YTHDF2: variants seen among roughly 807,000 people sequenced by gnomAD.
YTHDF2 encodes YTH domain-containing family protein 2.
YTHDF2 carries 2 observed loss-of-function variants against 50.4 expected under a neutral mutation model. The observed-to-expected ratio is 0.04, with a 90% CI of 0.02 to 0.12. YTHDF2 has a LOEUF of 0.12. Among genes scored for constraint, YTHDF2 ranks in the 10% least tolerant of loss-of-function variants. YTHDF2 has a pLI of 1.00. For missense variants in YTHDF2, 483 were observed against 722.6 expected (o/e 0.67, Z 3.80); for synonymous variants, 217 against 255.6 (o/e 0.85, Z 1.44).
At chr1:28,737,373 CT>C in intron 1 of YTHDF2, 1 of 634,070 alleles carries the variant, frequency 1.6e-6, no homozygotes, top group Non-Finnish European at 2.6e-6. Context: ...GCCGCGTTCC[CT>C]TCTCTCGGCG....
intron 4 of YTHDF2, among the ~76,000 whole-genome samples, chr1:28,752,849 C>T (rs946161716): frequency 1.3e-5 from 2 of 151,668 alleles, no homozygotes; most frequent in African/African-American, 4.8e-5. Context: ...TTGAGACCAG[C>T]CTGGGCAGCA....
Position 28,751,090 on chromosome 1 carries a change from CA to C in YTHDF2, c.1716+7124del, listed in dbSNP as rs56916547. ...CCTTTGTGACAGAGCGAGACTGTCT[CA>C]AAAAAAAAAAAAAAAAAAAGGCTGG... On this transcript the variant is annotated intron_variant, in intron 4 of 4. Coordinates refer to ENST00000373812, the MANE Select transcript of YTHDF2 (RefSeq NM_016258.3). 4.8e-3 allele frequency among the ~76,000 whole-genome samples: 161 copies of C among 33,754 alleles called. 2 individuals are homozygous for C. In the Middle Eastern group the frequency reaches 0.18, roughly 38 times the overall value. The allele number at this position is 33,754 out of a possible 152,430, so 22.1% of individuals were successfully genotyped here.
At chr1:28,765,696 C>T (rs987403154) in intron 4 of YTHDF2, among the ~76,000 whole-genome samples, 5 of 152,042 alleles carry the variant, frequency 3.3e-5, no homozygotes, top group Non-Finnish European at 7.4e-5. Context: ...CAAGCACGTC[C>T]CCTGCCTCAG....
intron 1 of YTHDF2, 84 bp downstream of exon 1, chr1:28,737,231 G>A: frequency 6.9e-7 from 1 of 1,453,138 alleles, no homozygotes; most frequent in Non-Finnish European, 9.1e-7. Flanking sequence ...TCCTGGGCAG[G>A]CCGAGCCGAG....
At chr1:28,764,432 G>A (rs376841618) in intron 4 of YTHDF2, among the ~76,000 whole-genome samples, 1 of 151,402 alleles carries the variant, frequency 6.6e-6, no homozygotes, top group East Asian at 1.9e-4. Flanking sequence ...CACCACGCCC[G>A]GCTAATTTTT....
intron 4 of YTHDF2, among the ~76,000 whole-genome samples, chr1:28,763,136 A>G (rs1260678789): frequency 6.6e-6 from 1 of 151,972 alleles, no homozygotes; most frequent in African/African-American, 2.4e-5. Flanking sequence ...CGAGTTTTCT[A>G]TTTTGTAATC....
At chr1:28,739,424 C>T (rs996506940) in intron 3 of YTHDF2, among the ~76,000 whole-genome samples, 1 of 151,866 alleles carries the variant, frequency 6.6e-6, no homozygotes, top group African/African-American at 2.4e-5. Flanking sequence ...TTTTGCCCGC[C>T]TCAGCCTCCC....
chr1:28,744,363 A>G (rs2087827582), intron 4 of YTHDF2, among the ~76,000 whole-genome samples: 1 of 152,164 alleles, frequency 6.6e-6, no homozygotes, highest in Non-Finnish European at 1.5e-5. Context: ...AAAAATCGAA[A>G]TGTTCTCTGT....
intron 1 of YTHDF2, chr1:28,737,396 C>T (rs938084514): frequency 9.4e-6 from 6 of 635,488 alleles, no homozygotes; most frequent in African/African-American, 7.8e-5. Flanking sequence ...GCCTCGTTTT[C>T]CTTCCTTGTT....
At chr1:28,737,341 C>T in intron 1 of YTHDF2, 194 bp downstream of exon 1, 1 of 724,428 alleles carries the variant, frequency 1.4e-6, no homozygotes, top group Non-Finnish European at 2.1e-6. Flanking sequence ...CCTCGGGCCT[C>T]GGAGCCCACG....
chr1:28,759,964 A>G (rs1054745361), intron 4 of YTHDF2, among the ~76,000 whole-genome samples: 1 of 152,234 alleles, frequency 6.6e-6, no homozygotes, highest in Non-Finnish European at 1.5e-5. Context: ...CTTTAAAAAA[A>G]GAAAAACAAA....
At position 28,742,943 on chromosome 1, in the gene YTHDF2, A is replaced by G. The variant is rs2087801653; in HGVS notation, c.673A>G (p.Ser225Gly). The G allele has an allele frequency of 3.1e-6, 5 of 1,614,134 alleles. 1 individual carries two copies. In the South Asian group the frequency reaches 4.4e-5, roughly 14 times the overall value. The change falls in exon 4 of 5, where the codon AGT becomes GGT. Residue 225 changes from serine (S) to glycine (G), a missense_variant. By Grantham distance (56) the Ser-to-Gly change is moderately conservative (BLOSUM62 0). Transcript: ENST00000373812. ...SITSNIVASNSLPPATIAPPK... is the reference protein window; with the variant it reads ...SITSNIVASNGLPPATIAPPK... ...TACTAGTAACATCGTGGCTTCCAAT[A>G]GTTTGCCTCCAGCCACCATTGCTCC...
chr1:28,753,040 C>A (rs563617139), intron 4 of YTHDF2, among the ~76,000 whole-genome samples: 1 of 151,494 alleles, frequency 6.6e-6, no homozygotes, highest in African/African-American at 2.4e-5. Context: ...AGGAGACTGT[C>A]CCTAGAAAAA....
chr1:28,763,691 G>T (rs1399858135), intron 4 of YTHDF2, among the ~76,000 whole-genome samples: 1 of 151,460 alleles, frequency 6.6e-6, no homozygotes, highest in South Asian at 2.1e-4. Flanking sequence ...TCCTGACCTG[G>T]TGATCCGCCC....
intron 4 of YTHDF2, among the ~76,000 whole-genome samples, chr1:28,759,586 A>G (rs141314450): frequency 7.9e-5 from 12 of 152,308 alleles, no homozygotes; most frequent in Middle Eastern, 3.4e-3. Flanking sequence ...ACCGTACTGA[A>G]TAGTATAGGC....
At chr1:28,738,401 A>G in intron 3 of YTHDF2, 63 bp downstream of exon 3, 1 of 1,317,740 alleles carries the variant, frequency 7.6e-7, no homozygotes, top group Non-Finnish European at 1.1e-6. Flanking sequence ...TCCGCCTTCT[A>G]CCAATAAATC....
chr1:28,744,023 G>A, intron 4 of YTHDF2, 37 bp downstream of exon 4: 1 of 1,509,796 alleles, frequency 6.6e-7, no homozygotes, highest in Non-Finnish European at 8.8e-7. Flanking sequence ...TTTAGGGAAG[G>A]AGGAACCAGA....
chr1:28,749,027 T>C (rs2124179972), intron 4 of YTHDF2, among the ~76,000 whole-genome samples: 1 of 152,326 alleles, frequency 6.6e-6, no homozygotes, highest in African/African-American at 2.4e-5. Flanking sequence ...TCAGAAATTC[T>C]TACTAAAGGG....
chr1:28,745,584 G>T (rs1211507050), intron 4 of YTHDF2, among the ~76,000 whole-genome samples: 3 of 152,098 alleles, frequency 2.0e-5, no homozygotes, highest in Non-Finnish European at 4.4e-5. Context: ...AATTAGCCGG[G>T]TGTGGTGGCA....
Sources: gnomAD v4.1 joint callset for allele counts (sites outside exome capture counted in the v4.1 genomes callset) on GRCh38, gnomAD v4.1.1 for gene constraint, MANE v1.5 for transcripts, NCBI Gene and HGNC (gene_info 2026-07-23, HGNC 2026-07-21) for gene names.